The following SNTG1 variants were observed in gnomAD, a reference collection of about 807,000 sequenced individuals.
SNTG1 encodes gamma-1-syntrophin.
Under a neutral mutation model 74.7 loss-of-function variants are expected in SNTG1, and 39 were observed. That is an observed-to-expected ratio of 0.52 (90% CI 0.40 to 0.68). SNTG1 has a LOEUF of 0.68. Ranked by LOEUF, SNTG1 falls within the 30% of genes least tolerant of loss-of-function variation. The probability of loss-of-function intolerance (pLI) is 0.00; values close to 1 mark genes in which losing one functional copy is unlikely to be tolerated. For synonymous variants in SNTG1, 254 were observed against 217.1 expected (o/e 1.17, Z -1.49); for missense variants, 685 against 609.5 (o/e 1.12, Z -1.30).
rs147166707 is a variant in SNTG1 at position 50,185,226 on chromosome 8, TC to T, written c.-28+12592del. 6.2e-3 allele frequency among the ~76,000 whole-genome samples: 947 copies of T among 152,228 alleles called. 15 individuals carry two copies. The highest frequency in any genetic ancestry group is 0.022 in the African/African-American group (897 of 41,538). On this transcript the variant is annotated intron_variant, in intron 2 of 18. Coordinates refer to ENST00000642720, the MANE Select transcript of SNTG1 (RefSeq NM_018967.5). Reference sequence around the variant, plus strand: ...TTCTGCTCTCATGATAATGACTGAGTCTCTTGAGATCTGATGGTTTTATAAG... The same window carrying T: ...TTCTGCTCTCATGATAATGACTGAGTTCTTGAGATCTGATGGTTTTATAAG...
intron 2 of SNTG1, among the ~76,000 whole-genome samples, chr8:50,316,961 G>A (rs1353010528): frequency 1.3e-5 from 2 of 152,172 alleles, no homozygotes; most frequent in Admixed American, 6.5e-5. Flanking sequence ...ATGAAGATGA[G>A]TTCAAGATTT....
intron 1 of SNTG1, among the ~76,000 whole-genome samples, chr8:50,100,782 T>G (rs2080092273): frequency 6.6e-6 from 1 of 152,250 alleles, no homozygotes; most frequent in South Asian, 2.1e-4. Flanking sequence ...ACATTCCTTT[T>G]TTTAAAAAAT....
intron 2 of SNTG1, among the ~76,000 whole-genome samples, chr8:50,222,581 T>C (rs762581608): frequency 1.3e-5 from 2 of 152,194 alleles, no homozygotes; most frequent in Non-Finnish European, 2.9e-5. Flanking sequence ...TACTAGAACA[T>C]ATACCTCCTT....
chr8:50,593,546 A>T (rs12334955), intron 13 of SNTG1, among the ~76,000 whole-genome samples: 1 of 151,842 alleles, frequency 6.6e-6, no homozygotes, highest in Non-Finnish European at 1.5e-5. Flanking sequence ...TGAAAAAAAA[A>T]CCTACATTTA....
At chr8:50,651,450 C>G (rs975327078) in intron 13 of SNTG1, among the ~76,000 whole-genome samples, 4 of 151,994 alleles carry the variant, frequency 2.6e-5, no homozygotes, top group African/African-American at 9.7e-5. Flanking sequence ...TATTTTTTAA[C>G]TTCATTTTGT....
At chr8:50,253,963 A>G (rs890883497) in intron 2 of SNTG1, among the ~76,000 whole-genome samples, 5 of 152,296 alleles carry the variant, frequency 3.3e-5, no homozygotes, top group Admixed American at 6.5e-5. Context: ...TACAAGGAAT[A>G]GGTTGTGGTA....
At chr8:50,026,587 C>G (rs1817281571) in intron 1 of SNTG1, among the ~76,000 whole-genome samples, 1 of 152,024 alleles carries the variant, frequency 6.6e-6, no homozygotes, top group East Asian at 1.9e-4. Flanking sequence ...AAGGATGGTT[C>G]AACAGAAACC....
Position 50,098,306 on chromosome 8 carries a change from G to A in SNTG1, c.-102-74255G>A, listed in dbSNP as rs368882248. Among the ~76,000 whole-genome samples the A allele has an allele frequency of 1.1e-4, 17 of 152,134 alleles. No individual in the cohort carries two copies. The East Asian group carries it at 3.3e-3, about 29-fold the overall frequency. On this transcript the variant is annotated intron_variant, in intron 1 of 18. Coordinates refer to ENST00000642720, the MANE Select transcript of SNTG1 (RefSeq NM_018967.5). ...CAGTCAGTATTTCATTTCAAGATAG[G>A]GTAATATACAGTGGGCCCTTTGTAT... is the stretch of plus-strand genomic sequence containing the variant.
At chr8:50,449,494 A>T (rs867205597) in intron 5 of SNTG1, among the ~76,000 whole-genome samples, 174 bp from the exon 6 acceptor site, 1 of 152,264 alleles carries the variant, frequency 6.6e-6, no homozygotes, top group South Asian at 2.1e-4. Flanking sequence ...AAAATTCTAA[A>T]CAGGTAGATA....
chr8:50,770,113 G>T (rs1347096488), intron 18 of SNTG1, among the ~76,000 whole-genome samples: 1 of 152,090 alleles, frequency 6.6e-6, no homozygotes, highest in Non-Finnish European at 1.5e-5. Flanking sequence ...ATAAACGCTG[G>T]AATGCAAATT....
In SNTG1 at chr8:50,763,648, TTGTGTGTGTGTGTG is replaced by T. The variant is rs141415804; in HGVS notation, c.1395+11568_1395+11581del. Among the ~76,000 whole-genome samples the T allele has an allele frequency of 4.3e-3, 502 of 117,142 alleles. 3 individuals carry two copies. Among genetic ancestry groups the T allele is most frequent in the African/African-American group, 0.013 (381 of 30,272 alleles). The allele number at this position is 117,142 out of a possible 152,430, so 76.8% of individuals were successfully genotyped here. On this transcript the variant is annotated intron_variant, in intron 18 of 18. Coordinates refer to ENST00000642720, the MANE Select transcript of SNTG1 (RefSeq NM_018967.5). ...CTCTTTTGGCTCAAGATTGCCTTTA[TTGTGTGTGTGTGTG>T]TGTGTGTGTGTGTGTGTGTGTGTGT...
At chr8:50,314,655 C>G (rs2090246015) in intron 2 of SNTG1, among the ~76,000 whole-genome samples, 1 of 150,112 alleles carries the variant, frequency 6.7e-6, no homozygotes, top group Admixed American at 6.7e-5. Context: ...CTTATCATTT[C>G]TAAAATCATG....
intron 1 of SNTG1, among the ~76,000 whole-genome samples, chr8:50,030,062 C>A (rs1817617875): frequency 6.6e-6 from 1 of 152,108 alleles, no homozygotes; most frequent in African/African-American, 2.4e-5. Flanking sequence ...GAGATGATAT[C>A]TCACTGTAGT....
intron 1 of SNTG1, among the ~76,000 whole-genome samples, chr8:50,115,274 T>C (rs1703342341): frequency 6.6e-6 from 1 of 151,758 alleles, no homozygotes; most frequent in Non-Finnish European, 1.5e-5. Context: ...AGTGAGAGGG[T>C]TAAGATGCTT....
chr8:49,961,919 G>A lies in SNTG1; in HGVS notation c.-103+49688G>A, dbSNP rs114619700. Among the ~76,000 whole-genome samples the A allele has an allele frequency of 1.3e-3, 202 of 152,284 alleles. 1 individual carries two copies. Among genetic ancestry groups the A allele is most frequent in the African/African-American group, 4.6e-3 (191 of 41,566 alleles). On this transcript the variant is annotated intron_variant, in intron 1 of 18. Coordinates refer to ENST00000642720, the MANE Select transcript of SNTG1 (RefSeq NM_018967.5). ...TCCATCCAAGTATAGAAAAAATAGC[G>A]TCTTTTCTACTGGCTTTACAAAAGG...
chr8:50,080,424 G>A (rs1822299280), intron 1 of SNTG1, among the ~76,000 whole-genome samples: 3 of 152,006 alleles, frequency 2.0e-5, no homozygotes, highest in Non-Finnish European at 4.4e-5. Flanking sequence ...GATGATATAT[G>A]CCCCATTAAT....
intron 18 of SNTG1, among the ~76,000 whole-genome samples, chr8:50,774,208 T>C (rs2095634229): frequency 6.6e-6 from 1 of 151,778 alleles, no homozygotes; most frequent in Non-Finnish European, 1.5e-5. Flanking sequence ...GAAACAATAT[T>C]TTAAGAAATA....
chr8:50,484,258 C>T (rs1165497471), intron 8 of SNTG1, among the ~76,000 whole-genome samples: 1 of 147,314 alleles, frequency 6.8e-6, no homozygotes, highest in Non-Finnish European at 1.5e-5. Flanking sequence ...TCTTGTTGCC[C>T]AGGCTGGAGA....
chr8:50,574,387 G>T (rs2094565443), intron 12 of SNTG1, among the ~76,000 whole-genome samples: 1 of 151,868 alleles, frequency 6.6e-6, no homozygotes, highest in African/African-American at 2.4e-5. Context: ...GCTTATGGTT[G>T]GTAAAAGATA....
Sources: gnomAD v4.1 joint callset for allele counts (sites outside exome capture counted in the v4.1 genomes callset) on GRCh38, gnomAD v4.1.1 for gene constraint, MANE v1.5 for transcripts, NCBI Gene and HGNC (gene_info 2026-07-23, HGNC 2026-07-21) for gene names.